GRK3: variants seen among roughly 807,000 people sequenced by gnomAD.
GRK3 encodes the protein adrenergic, beta, receptor kinase 2.
In GRK3, 54 loss-of-function variants were observed where a neutral mutation model predicts 95.7. That is an observed-to-expected ratio of 0.56 (90% CI 0.45 to 0.71). The LOEUF (loss-of-function observed/expected upper bound fraction) is 0.71. Ranked by LOEUF, GRK3 falls within the 30% of genes least tolerant of loss-of-function variation. GRK3 has a pLI of 0.00. For missense variants in GRK3, 649 were observed against 851.2 expected (o/e 0.76, Z 2.96); for synonymous variants, 281 against 290.8 (o/e 0.97, Z 0.34).
intron 13 of GRK3, among the ~76,000 whole-genome samples, chr22:25,698,010 T>G (rs1233840279): frequency 6.6e-6 from 1 of 151,428 alleles, no homozygotes; most frequent in Admixed American, 6.6e-5. Context: ...ACTGCGTACC[T>G]GCAATGTACA....
chr22:25,682,989 G>A (rs927644401), intron 9 of GRK3, among the ~76,000 whole-genome samples: 1 of 152,276 alleles, frequency 6.6e-6, no homozygotes, highest in African/African-American at 2.4e-5. Flanking sequence ...GCCCACGGCT[G>A]TAACTCCCTC....
In GRK3 at chr22:25,579,157, CT is replaced by C. The variant is rs879358631; in HGVS notation, c.113+14017del. Among the ~76,000 whole-genome samples, 901 of 144,482 alleles carry C rather than the reference CT, an allele frequency of 6.2e-3. 6 individuals are homozygous for C. The highest frequency in any genetic ancestry group is 0.017 in the African/African-American group (663 of 39,630). The allele number at this position is 144,482 out of a possible 152,430, so 94.8% of individuals were successfully genotyped here. Reference sequence around the variant, plus strand: ...TGGTTGGGGTGGCAGGACAGGAATTCTTTTTTTTTTTTTCTTTGTGACACGC... The same window carrying C: ...TGGTTGGGGTGGCAGGACAGGAATTCTTTTTTTTTTTTCTTTGTGACACGC... On this transcript the variant is annotated intron_variant, in intron 1 of 20. Transcript: ENST00000324198.
intron 2 of GRK3, among the ~76,000 whole-genome samples, chr22:25,629,035 A>G (rs564357115): frequency 6.6e-6 from 1 of 152,304 alleles, no homozygotes; most frequent in African/African-American, 2.4e-5. Context: ...TTTAAAATAT[A>G]TTTTAGCAAT....
At chr22:25,674,877 A>T (rs2085014740) in intron 8 of GRK3, among the ~76,000 whole-genome samples, 1 of 152,122 alleles carries the variant, frequency 6.6e-6, no homozygotes, top group Admixed American at 6.5e-5. Flanking sequence ...TGAACCCGGG[A>T]GGCAGAGCTT....
chr22:25,569,972 T>C (rs1336631435), intron 1 of GRK3, among the ~76,000 whole-genome samples: 1 of 152,200 alleles, frequency 6.6e-6, no homozygotes, highest in African/African-American at 2.4e-5. Context: ...TTCGCCCAGC[T>C]CGGGGTCTTT....
At chr22:25,712,622 A>T (rs1414350827) in intron 17 of GRK3, among the ~76,000 whole-genome samples, 2 of 152,258 alleles carry the variant, frequency 1.3e-5, no homozygotes, top group Non-Finnish European at 2.9e-5. Flanking sequence ...CTGGGCTGGG[A>T]TCTGCCACTG....
chr22:25,587,700 A>G (rs1293081036), intron 1 of GRK3, among the ~76,000 whole-genome samples: 1 of 152,098 alleles, frequency 6.6e-6, no homozygotes, highest in Non-Finnish European at 1.5e-5. Flanking sequence ...GGTGGGAGGG[A>G]CCTGGTGGGA....
chr22:25,717,740 A>C (rs547643036), intron 18 of GRK3, among the ~76,000 whole-genome samples: 1 of 152,338 alleles, frequency 6.6e-6, no homozygotes, highest in South Asian at 2.1e-4. Flanking sequence ...ATATTTGAGG[A>C]ATAAACCTAA....
intron 13 of GRK3, among the ~76,000 whole-genome samples, chr22:25,700,625 T>C (rs2085250970): frequency 6.6e-6 from 1 of 152,244 alleles, no homozygotes; most frequent in Non-Finnish European, 1.5e-5. Context: ...TCTCGCTCTA[T>C]TGCCCAGGCT....
chr22:25,703,020 T>C (rs745491984), intron 13 of GRK3: 23 of 373,094 alleles, frequency 6.2e-5, no homozygotes, highest in Non-Finnish European at 1.1e-4. Context: ...CAAAGGGATG[T>C]ATTACTTAAA....
intron 1 of GRK3, among the ~76,000 whole-genome samples, chr22:25,575,723 C>T (rs1392602441): frequency 2.0e-5 from 3 of 152,246 alleles, no homozygotes; most frequent in South Asian, 2.1e-4. Context: ...TGCTTGGTAG[C>T]AGGTAGAAAT....
At position 25,708,661 on chromosome 22, in the gene GRK3, T is replaced by A. The variant is rs887269766; in HGVS notation, c.1329-1237T>A. 3.9e-4 allele frequency among the ~76,000 whole-genome samples: 57 copies of A among 146,144 alleles called. 1 individual carries two copies. The highest frequency in any genetic ancestry group is 8.2e-4 in the Non-Finnish European group (54 of 66,236). On this transcript the variant is annotated intron_variant, in intron 15 of 20. Transcript: ENST00000324198. ...CGGGCTTTTCCTTGGAGTGTGCAAT[T>A]TTTTTTTTTTTTTTCCTGGCAACAG...
intron 1 of GRK3, among the ~76,000 whole-genome samples, chr22:25,579,916 T>C (rs1304128649): frequency 1.3e-5 from 2 of 152,160 alleles, no homozygotes; most frequent in Non-Finnish European, 2.9e-5. Context: ...AATGAAAGAT[T>C]GATGGGGAAT....
At position 25,724,208 on chromosome 22, in the gene GRK3, A is replaced by G. The variant is rs2085456517; in HGVS notation, c.*1758A>G. 2 of 152,030 alleles carry G rather than the reference A, an allele frequency of 1.3e-5. No individual in the cohort carries two copies. The highest frequency in any genetic ancestry group is 4.8e-5 in the African/African-American group (2 of 41,350). 9.4% of individuals were successfully genotyped at this position (152,030 alleles called of 1,614,324 possible). A position where few individuals can be genotyped will look rare whatever the true frequency, so the allele number is the denominator to read the frequency against. On this transcript the variant is annotated 3_prime_UTR_variant, in exon 21 of 21. Transcript: ENST00000324198. Reference sequence around the variant, plus strand: ...AGTGAATGTCTTCCCAGCCCTGGTTAATTATAGCTGTGACTGATGCCGTTC... The same window carrying G: ...AGTGAATGTCTTCCCAGCCCTGGTTGATTATAGCTGTGACTGATGCCGTTC...
chr22:25,633,164 G>C (rs558397929), intron 2 of GRK3, among the ~76,000 whole-genome samples: 2 of 151,848 alleles, frequency 1.3e-5, no homozygotes, highest in African/African-American at 4.8e-5. Flanking sequence ...TGATCCACCC[G>C]CCTCGGCCTC....
intron 1 of GRK3, among the ~76,000 whole-genome samples, chr22:25,602,675 T>C (rs1282490546): frequency 6.6e-6 from 1 of 152,194 alleles, no homozygotes; most frequent in Non-Finnish European, 1.5e-5. Context: ...TGAAGCTGTC[T>C]CATGTCAAAC....
In GRK3 at chr22:25,726,500, C is replaced by G. The variant is rs569662650; in HGVS notation, c.*4050C>G. On this transcript the variant is annotated 3_prime_UTR_variant, in exon 21 of 21. Transcript: ENST00000324198. ...GCTTGATGAATTAACACCTCCCACC[C>G]TGAGTGAGGGGTTGACTTGTTGGGA... The G allele has an allele frequency of 6.6e-6, 1 of 152,246 alleles. No individual in the cohort carries two copies. Among genetic ancestry groups the G allele is most frequent in the East Asian group, 1.9e-4 (1 of 5,188 alleles). The allele number at this position is 152,246 out of a possible 1,614,324, so 9.4% of individuals were successfully genotyped here.
intron 17 of GRK3, among the ~76,000 whole-genome samples, chr22:25,711,545 G>A (rs992636185): frequency 3.3e-5 from 5 of 152,110 alleles, no homozygotes; most frequent in East Asian, 3.9e-4. Context: ...GGATGAAAGA[G>A]CAAACAGCAT....
In GRK3 at chr22:25,668,282, T is replaced by C. The variant is rs949624500; in HGVS notation, c.503+482T>C. ...AAATATGTCCCTTGGTTACTCAAAC[T>C]ATAGATCTACTGGTCAATTCTTCAG... On this transcript the variant is annotated intron_variant, in intron 6 of 20. Coordinates refer to ENST00000324198, the MANE Select transcript of GRK3 (RefSeq NM_005160.4). Among the ~76,000 whole-genome samples the C allele has an allele frequency of 3.5e-4, 53 of 152,364 alleles. No individual in the cohort carries two copies. In the Middle Eastern group the frequency reaches 0.014, roughly 39 times the overall value.
Sources: allele counts gnomAD v4.1 joint callset (sites outside exome capture counted in the v4.1 genomes callset), GRCh38; gene constraint gnomAD v4.1.1; transcripts MANE v1.5; gene names NCBI Gene and HGNC (gene_info 2026-07-23, HGNC 2026-07-21).